Variants in GADL1 observed in about 807,000 individuals in gnomAD.
The protein encoded by GADL1 is acidic amino acid decarboxylase GADL1.
A neutral mutation model predicts 69.5 loss-of-function variants in GADL1; 71 were observed. The observed-to-expected ratio is 1.02, with a 90% CI of 0.84 to 1.25. The LOEUF (loss-of-function observed/expected upper bound fraction) is 1.25. Among genes scored for constraint, GADL1 ranks in the 50% most tolerant of loss-of-function variants. The pLI is 0.00. For missense variants in GADL1, 737 were observed against 631.8 expected, an observed-to-expected ratio of 1.17 and a Z score of -1.79; for synonymous variants, 254 against 214.4, an observed-to-expected ratio of 1.18 and a Z score of -1.62.
intron 11 of GADL1, among the ~76,000 whole-genome samples, chr3:30,804,607 T>C (rs113259624): frequency 0.017 from 2,548 of 152,328 alleles, 76 homozygotes; most frequent in African/African-American, 0.059. Context: ...GCAAGAATCT[T>C]GTTAGATGTC....
At chr3:30,774,871 A>G (rs1696496348) in intron 14 of GADL1, among the ~76,000 whole-genome samples, 1 of 152,110 alleles carries the variant, frequency 6.6e-6, no homozygotes, top group African/African-American at 2.4e-5. Context: ...CTTCCAGCAG[A>G]AGAGTGACAT....
At chr3:30,740,238 G>T (rs1185832413) in intron 14 of GADL1, among the ~76,000 whole-genome samples, 1 of 152,164 alleles carries the variant, frequency 6.6e-6, no homozygotes, top group Non-Finnish European at 1.5e-5. Context: ...TATTTAAAAA[G>T]ACAGAGTTTG....
intron 14 of GADL1, among the ~76,000 whole-genome samples, chr3:30,755,084 G>A (rs758606470): frequency 2.6e-5 from 4 of 152,116 alleles, no homozygotes; most frequent in African/African-American, 4.8e-5. Context: ...CAGGGACAAC[G>A]CAGTGCTTCA....
Position 30,850,930 on chromosome 3 carries a change from T to G in GADL1, c.440A>C (p.Glu147Ala). 3.3e-6 allele frequency: 5 copies of G among 1,533,938 alleles called. No homozygotes were observed. Among genetic ancestry groups the G allele is most frequent in the Non-Finnish European group, 3.5e-6 (4 of 1,131,114 alleles). The change falls in exon 5 of 15, where the codon GAG (glutamate) becomes GCG (alanine). Residue 147 changes from glutamate (E) to alanine (A), a missense_variant. Transcript: ENST00000282538. ...EALNPSVYTYEVSPVFLLVEE... is the reference protein window; with the variant it reads ...EALNPSVYTYAVSPVFLLVEE... Reference sequence around the variant, plus strand: ...CACTAACAGAAACACTGGGGACACCTCATACGTATAACTAGATAGATATAA... The same window carrying G: ...CACTAACAGAAACACTGGGGACACCGCATACGTATAACTAGATAGATATAA...
chr3:30,766,535 C>A (rs1696283169), intron 14 of GADL1, among the ~76,000 whole-genome samples: 1 of 150,134 alleles, frequency 6.7e-6, no homozygotes, highest in Non-Finnish European at 1.5e-5. Flanking sequence ...CCCTGAAAAT[C>A]CATAACATAT....
At chr3:30,795,516 T>G (rs1697013534) in intron 12 of GADL1, among the ~76,000 whole-genome samples, 1 of 152,120 alleles carries the variant, frequency 6.6e-6, no homozygotes, top group Admixed American at 6.6e-5. Context: ...AAACTGGGGC[T>G]TTCTTTAACT....
chr3:30,803,875 T>G (rs1372274302), intron 11 of GADL1, among the ~76,000 whole-genome samples: 2 of 152,218 alleles, frequency 1.3e-5, no homozygotes, highest in African/African-American at 4.8e-5. Flanking sequence ...TAGTAAAACG[T>G]AACATTGTTG....
intron 11 of GADL1, among the ~76,000 whole-genome samples, chr3:30,829,488 C>G (rs1368855311): frequency 6.6e-6 from 1 of 151,818 alleles, no homozygotes. Flanking sequence ...AACAGAAGAA[C>G]CAATTAGAAT....
intron 1 of GADL1, among the ~76,000 whole-genome samples, chr3:30,862,099 A>G (rs937310950): frequency 6.6e-6 from 1 of 151,918 alleles, no homozygotes; most frequent in Non-Finnish European, 1.5e-5. Flanking sequence ...TTCACATACA[A>G]TTCCCATGCT....
chr3:30,759,701 T>C (rs1168071998), intron 14 of GADL1, among the ~76,000 whole-genome samples: 1 of 152,214 alleles, frequency 6.6e-6, no homozygotes, highest in Non-Finnish European at 1.5e-5. Context: ...AATACGCATA[T>C]GTATCCTCAC....
intron 13 of GADL1, chr3:30,778,597 C>T (rs1575200793): frequency 4.8e-6 from 1 of 208,450 alleles, no homozygotes. Context: ...GCCCTGGATC[C>T]TCTCTCTCCA....
chr3:30,759,948 GAAGA>G lies in GADL1; in HGVS notation c.1392+18227_1392+18230del, dbSNP rs373294482. Among the ~76,000 whole-genome samples, 81 of 152,128 alleles carry G rather than the reference GAAGA, an allele frequency of 5.3e-4. 1 individual carries two copies. Among genetic ancestry groups the G allele is most frequent in the East Asian group, 1.9e-4 (1 of 5,184 alleles). On this transcript the variant is annotated intron_variant, in intron 14 of 14. Coordinates refer to ENST00000282538, the MANE Select transcript of GADL1 (RefSeq NM_207359.3). ...TCATAAGAACATGCCTCAGTAAGTTGAAGAAAGATTCACGGAGCCACAGCCACTG... is the reference window on the plus strand; with the variant it reads ...TCATAAGAACATGCCTCAGTAAGTTGAAGATTCACGGAGCCACAGCCACTG...
chr3:30,845,903 AG>A (rs1698045235), intron 6 of GADL1, among the ~76,000 whole-genome samples: 1 of 152,170 alleles, frequency 6.6e-6, no homozygotes. Flanking sequence ...TATAAGGAAA[AG>A]CACAATGCTC....
chr3:30,858,809 C>T (rs1393095571), intron 2 of GADL1, among the ~76,000 whole-genome samples: 1 of 151,934 alleles, frequency 6.6e-6, no homozygotes, highest in African/African-American at 2.4e-5. Context: ...AGAGAACCTA[C>T]AGCAGGGCAG....
intron 11 of GADL1, among the ~76,000 whole-genome samples, chr3:30,808,871 G>T (rs1227807924): frequency 6.6e-6 from 1 of 152,152 alleles, no homozygotes; most frequent in Non-Finnish European, 1.5e-5. Flanking sequence ...ATGAGAGCAG[G>T]TCATCAAAAT....
intron 9 of GADL1, among the ~76,000 whole-genome samples, chr3:30,838,194 A>C (rs1697904003): frequency 6.6e-6 from 1 of 152,116 alleles, no homozygotes; most frequent in Non-Finnish European, 1.5e-5. Context: ...CACCATGTGC[A>C]ATTGTCTCTT....
At chr3:30,811,147 G>GT (rs1697345099) in intron 11 of GADL1, among the ~76,000 whole-genome samples, 2 of 152,130 alleles carry the variant, frequency 1.3e-5, no homozygotes, top group Non-Finnish European at 2.9e-5. Flanking sequence ...GCATACTTTA[G>GT]TACAAGATCT....
chr3:30,830,129 A>G (rs1462772817), intron 11 of GADL1, among the ~76,000 whole-genome samples: 1 of 151,814 alleles, frequency 6.6e-6, no homozygotes, highest in East Asian at 2.0e-4. Flanking sequence ...TCTTCCCTGA[A>G]ACATGGTCAT....
At chr3:30,844,068 A>G (rs1179129994) in intron 8 of GADL1, 142 bp downstream of exon 8, 2 of 667,558 alleles carry the variant, frequency 3.0e-6, no homozygotes, top group Non-Finnish European at 5.3e-6. Context: ...TTTAATTCCA[A>G]CATTCTCTCT....
Sources: gnomAD v4.1 joint callset for allele counts (sites outside exome capture counted in the v4.1 genomes callset) on GRCh38, gnomAD v4.1.1 for gene constraint, MANE v1.5 for transcripts, NCBI Gene and HGNC (gene_info 2026-07-23, HGNC 2026-07-21) for gene names.